CMC2: variants seen among roughly 807,000 people sequenced by gnomAD.
CMC2 encodes the protein C-X9-C motif containing 2, also known as COX assembly mitochondrial protein 2 homolog.
Under a neutral mutation model 7.5 loss-of-function variants are expected in CMC2, and 5 were observed. That is an observed-to-expected ratio of 0.66 (90% CI 0.35 to 1.40). CMC2 has a LOEUF of 1.40. CMC2 is among the 40% of genes most tolerant of loss of function. CMC2 has a pLI of 0.04. For missense variants in CMC2, 115 were observed against 92.3 expected, an observed-to-expected ratio of 1.25 and a Z score of -1.01; for synonymous variants, 37 against 31.4, an observed-to-expected ratio of 1.18 and a Z score of -0.60.
chr16:81,000,819 C>T lies in CMC2; in HGVS notation c.-35-3390G>A, dbSNP rs531287473. Among the ~76,000 whole-genome samples the T allele has an allele frequency of 2.6e-5, 4 of 152,328 alleles. No homozygotes were observed. The East Asian group carries it at 7.7e-4, about 29-fold the overall frequency. The stretch of plus-strand genomic sequence containing the variant: ...CTCAAAGAGCTTAAAACAGCTACCA[C>T]TAGATCCAGCAATCCCATTACTGGG... On this transcript the variant is annotated intron_variant, in intron 1 of 3. Transcript: ENST00000219400.
intron 2 of CMC2, among the ~76,000 whole-genome samples, chr16:80,984,499 G>A (rs919688227): frequency 2.0e-5 from 3 of 151,990 alleles, no homozygotes; most frequent in Non-Finnish European, 4.4e-5. Flanking sequence ...ATTTAACATA[G>A]ACTAAAGTCT....
At chr16:81,000,436 C>T (rs533519822) in intron 1 of CMC2, among the ~76,000 whole-genome samples, 2 of 152,220 alleles carry the variant, frequency 1.3e-5, no homozygotes, top group South Asian at 2.1e-4. Context: ...GCGGAGGTTG[C>T]AGTGAGCCAA....
intron 2 of CMC2, among the ~76,000 whole-genome samples, chr16:80,985,924 G>A (rs4514692): frequency 0.072 from 7,603 of 105,760 alleles, 324 homozygotes; most frequent in East Asian, 0.25. Flanking sequence ...AAAAACCACA[G>A]GAATGAAGGG....
rs79637555 is a variant in CMC2, at chr16:80,999,990, G to A, written c.-35-2561C>T. 3.9e-4 allele frequency among the ~76,000 whole-genome samples: 60 copies of A among 152,114 alleles called. No homozygotes were observed. The East Asian group carries it at 6.6e-3, about 17-fold the overall frequency. On this transcript the variant is annotated intron_variant, in intron 1 of 3. Transcript: ENST00000219400. Reference sequence around the variant, plus strand: ...AACACCATTCTGGACATTCACCTTCGGAAGAGAATTAGGACTAAGTACTCA... The same window carrying A: ...AACACCATTCTGGACATTCACCTTCAGAAGAGAATTAGGACTAAGTACTCA...
At chr16:80,978,721 A>G (rs1474614641) in intron 3 of CMC2, among the ~76,000 whole-genome samples, 1 of 152,076 alleles carries the variant, frequency 6.6e-6, no homozygotes, top group East Asian at 1.9e-4. Flanking sequence ...AAAGAAAAAA[A>G]AAAAGAATAA....
At chr16:80,977,563 C>T (rs755097290) in intron 3 of CMC2, among the ~76,000 whole-genome samples, 5 of 152,044 alleles carry the variant, frequency 3.3e-5, no homozygotes, top group Admixed American at 1.3e-4. Context: ...TTAGTGATAC[C>T]GAGCTCATCA....
At position 81,006,875 on chromosome 16, in the gene CMC2, G is replaced by A. The variant is rs1193389070; in HGVS notation, c.-177C>T. 5.1e-6 allele frequency: 5 copies of A among 985,838 alleles called. No homozygotes were observed. Among genetic ancestry groups the A allele is most frequent in the East Asian group, 1.1e-4 (1 of 8,848 alleles). The allele number at this position is 985,838 out of a possible 1,614,324, so 61.1% of individuals were successfully genotyped here. On this transcript the variant is annotated 5_prime_UTR_variant, in exon 1 of 4. Transcript: ENST00000219400. ...GTGACGCCCTCCACCGCTCCACCGT[G>A]CTCCCGGCTCCTCGCCCCCGCCGCC...
chr16:80,991,637 C>T (rs1193211529), intron 2 of CMC2: 1 of 201,822 alleles, frequency 5.0e-6, no homozygotes, highest in Non-Finnish European at 1.0e-5. Flanking sequence ...TGGACCCTGT[C>T]TCCAAAAAAA....
chr16:81,002,948 A>G (rs1373275191), intron 1 of CMC2, among the ~76,000 whole-genome samples: 1 of 152,172 alleles, frequency 6.6e-6, no homozygotes, highest in African/African-American at 2.4e-5. Flanking sequence ...CACTCACCTT[A>G]TCCCTTATCC....
Position 80,971,192 on chromosome 16 carries a change from T to A in CMC2, c.*4901A>T, listed in dbSNP as rs1383520607. ...TCTTAAAAACATTTGGGGTGTAATTTAGCAACTTCTAGTAAGTTTGAAAAT... is the reference window on the plus strand; with the variant it reads ...TCTTAAAAACATTTGGGGTGTAATTAAGCAACTTCTAGTAAGTTTGAAAAT... On this transcript the variant is annotated 3_prime_UTR_variant, in exon 4 of 4. Coordinates refer to ENST00000219400, the MANE Select transcript of CMC2 (RefSeq NM_020188.5). 2.0e-5 allele frequency: 3 copies of A among 152,116 alleles called. No homozygotes were observed. Among genetic ancestry groups the A allele is most frequent in the Admixed American group, 6.5e-5 (1 of 15,270 alleles). 9.4% of individuals were successfully genotyped at this position (152,116 alleles called of 1,614,324 possible).
rs1422108965 is a variant in CMC2, at chr16:80,970,389, C to A, written c.*5704G>T. On this transcript the variant is annotated 3_prime_UTR_variant, in exon 4 of 4. Transcript: ENST00000219400. ...TTTGAGTTTCACAAATATGGGAAGG[C>A]ACACTAGAAGGAGGTGCAGTAGAGG... 1.3e-5 allele frequency: 2 copies of A among 152,138 alleles called. No homozygotes were observed. Among genetic ancestry groups the A allele is most frequent in the African/African-American group, 4.8e-5 (2 of 41,430 alleles). The allele number at this position is 152,138 out of a possible 1,614,324, so 9.4% of individuals were successfully genotyped here.
intron 2 of CMC2, among the ~76,000 whole-genome samples, chr16:80,993,691 C>T (rs1320945359): frequency 2.4e-5 from 2 of 82,444 alleles, no homozygotes; most frequent in Non-Finnish European, 7.3e-5. Context: ...TTGGGCTAAG[C>T]TAACTCTAGA....
chr16:81,006,708 G>T (rs1416399998), intron 1 of CMC2, 26 bp downstream of exon 1: 3 of 985,322 alleles, frequency 3.0e-6, no homozygotes, highest in Non-Finnish European at 3.6e-6. Context: ...AACGCGTTCG[G>T]AACGGCCTGG....
At chr16:81,001,524 G>GTAT (rs1968865195) in intron 1 of CMC2, among the ~76,000 whole-genome samples, 1 of 152,144 alleles carries the variant, frequency 6.6e-6, no homozygotes, top group African/African-American at 2.4e-5. Context: ...AAGATAAAAA[G>GTAT]TATTATGGAG....
At chr16:80,991,781 G>A in intron 2 of CMC2, 1 of 349,530 alleles carries the variant, frequency 2.9e-6, no homozygotes, top group Non-Finnish European at 5.7e-6. Flanking sequence ...GAAAACACAT[G>A]ATCCCAATCC....
Position 80,981,826 on chromosome 16 carries a change from T to G in CMC2, c.133A>C (p.Arg45=). The G allele has an allele frequency of 6.2e-7, 1 of 1,610,240 alleles. No homozygotes were observed. The highest frequency in any genetic ancestry group is 8.5e-7 in the Non-Finnish European group (1 of 1,177,414). Residue 45 remains arginine, a synonymous_variant, in exon 3 of 4, where the codon AGA becomes CGA. Transcript: ENST00000219400. ...CTTACCTCATTCTTCAGGCATTTTC[T>G]CAACTCCCGATCAACATCATTACAA... The part of the protein sequence containing the change: ...GYCNDVDREL[R]KCLKNEYVEN...
rs1034829848 is a variant in CMC2 at position 80,974,985 on chromosome 16, A to G, written c.*1108T>C. The G allele has an allele frequency of 2.0e-5, 3 of 152,236 alleles. No homozygotes were observed. The highest frequency in any genetic ancestry group is 4.8e-5 in the African/African-American group (2 of 41,472). The allele number at this position is 152,236 out of a possible 1,614,324, so 9.4% of individuals were successfully genotyped here. A position where few individuals can be genotyped will look rare whatever the true frequency, so the allele number is the denominator to read the frequency against. ...CAAGGCCTCATGCTGGATATTATAC[A>G]CAGAACTCCACTAGAAGGAGCTCAC... is the stretch of plus-strand genomic sequence containing the variant. On this transcript the variant is annotated 3_prime_UTR_variant, in exon 4 of 4. Coordinates refer to ENST00000219400, the MANE Select transcript of CMC2 (RefSeq NM_020188.5).
rs955329471 is a variant in CMC2 at position 80,971,838 on chromosome 16, A to C, written c.*4255T>G. On this transcript the variant is annotated 3_prime_UTR_variant, in exon 4 of 4. Coordinates refer to ENST00000219400, the MANE Select transcript of CMC2 (RefSeq NM_020188.5). ...TTCTGTAAACCTGAAACATTTTGTC[A>C]TAAAAAAGAATAGCATTAATACCAC... The C allele has an allele frequency of 1.3e-5, 2 of 152,122 alleles. No individual in the cohort carries two copies. Among genetic ancestry groups the C allele is most frequent in the Non-Finnish European group, 2.9e-5 (2 of 68,026 alleles). The allele number at this position is 152,122 out of a possible 1,614,324, so 9.4% of individuals were successfully genotyped here.
intron 2 of CMC2, among the ~76,000 whole-genome samples, chr16:80,994,432 T>TAA (rs33941831): frequency 6.7e-6 from 1 of 149,322 alleles, no homozygotes; most frequent in African/African-American, 2.5e-5. Context: ...CTAAAGGAAG[T>TAA]AAAAAAAAAA....
Sources: gnomAD v4.1 joint callset for allele counts (sites outside exome capture counted in the v4.1 genomes callset) on GRCh38, gnomAD v4.1.1 for gene constraint, MANE v1.5 for transcripts, NCBI Gene and HGNC (gene_info 2026-07-23, HGNC 2026-07-21) for gene names.